CCDC167: variants seen among roughly 807,000 people sequenced by gnomAD.
CCDC167 encodes the protein coiled-coil domain-containing protein 167.
Under a neutral mutation model 12.7 loss-of-function variants are expected in CCDC167, and 15 were observed. The observed-to-expected ratio is 1.18, with a 90% CI of 0.79 to 1.81. The LOEUF is 1.81. Ranked by LOEUF, CCDC167 falls within the 40% of genes most tolerant of loss-of-function variation. The pLI is 0.00. For missense variants in CCDC167, 121 were observed against 120.1 expected (o/e 1.01, Z -0.03); for synonymous variants, 52 against 49.0 (o/e 1.06, Z -0.26).
intron 1 of CCDC167, among the ~76,000 whole-genome samples, chr6:37,498,348 G>A: frequency 6.6e-6 from 1 of 152,022 alleles, no homozygotes; most frequent in East Asian, 1.9e-4. Context: ...GTACCCTAAT[G>A]CAGGTTACAA....
chr6:37,486,131 A>C (rs1195057075), intron 1 of CCDC167, among the ~76,000 whole-genome samples: 1 of 152,190 alleles, frequency 6.6e-6, no homozygotes, highest in Non-Finnish European at 1.5e-5. Context: ...CAGCTGACTG[A>C]ATAGTACCTC....
At chr6:37,492,478 A>G (rs1182878616) in intron 1 of CCDC167, among the ~76,000 whole-genome samples, 1 of 152,248 alleles carries the variant, frequency 6.6e-6, no homozygotes, top group Non-Finnish European at 1.5e-5. Flanking sequence ...GGGCCAACTC[A>G]ATGAGCTTCA....
chr6:37,483,522 CT>C (rs923273505), intron 3 of CCDC167, among the ~76,000 whole-genome samples: 1 of 152,214 alleles, frequency 6.6e-6, no homozygotes, highest in African/African-American at 2.4e-5. Flanking sequence ...AACTATGGCT[CT>C]TTAAATGTGG....
intron 3 of CCDC167, among the ~76,000 whole-genome samples, chr6:37,484,140 G>A (rs1581761840): frequency 6.6e-6 from 1 of 152,214 alleles, no homozygotes; most frequent in East Asian, 1.9e-4. Flanking sequence ...CTGTGCCTAC[G>A]GCATTCATCA....
chr6:37,486,978 T>C (rs900918925), intron 1 of CCDC167, among the ~76,000 whole-genome samples: 3 of 150,498 alleles, frequency 2.0e-5, no homozygotes, highest in African/African-American at 2.4e-5. Flanking sequence ...TCCACCAGGC[T>C]TCCCTGCTGC....
chr6:37,485,171 C>T lies in CCDC167; in HGVS notation c.66G>A (p.Leu22=). The T allele has an allele frequency of 6.2e-7, 1 of 1,613,522 alleles. No homozygotes were observed. Among genetic ancestry groups the T allele is most frequent in the East Asian group, 2.2e-5 (1 of 44,884 alleles). ...CCTCCAGGTCTCTCCGACACTGGGA[C>T]AGCTTCTCCTCTAGCCCATCGATCT... The part of the protein sequence containing the change: ...ALEIDGLEEK[L]SQCRRDLEAV... Residue 22 remains leucine (L), a synonymous_variant, in exon 2 of 4, where the codon CTG becomes CTA. Coordinates refer to ENST00000373408, the MANE Select transcript of CCDC167 (RefSeq NM_138493.3).
At chr6:37,486,016 T>C (rs977382374) in intron 1 of CCDC167, among the ~76,000 whole-genome samples, 13 of 152,208 alleles carry the variant, frequency 8.5e-5, no homozygotes, top group African/African-American at 3.1e-4. Context: ...TCCATCTCCC[T>C]GTGTCTGACT....
chr6:37,490,134 T>G (rs1167381886), intron 1 of CCDC167, among the ~76,000 whole-genome samples: 1 of 152,186 alleles, frequency 6.6e-6, no homozygotes, highest in Non-Finnish European at 1.5e-5. Flanking sequence ...GGCGATGGTA[T>G]GAACCCACTG....
Position 37,485,185 on chromosome 6 carries a change from G to T in CCDC167, c.52C>A (p.Leu18Ile). The change falls in exon 2 of 4, where the codon CTA (leucine) becomes ATA (isoleucine). Residue 18 changes from leucine to isoleucine, a missense_variant. Leu to Ile is a conservative substitution (Grantham distance 5). Transcript: ENST00000373408. ...CGACACTGGGACAGCTTCTCCTCTAGCCCATCGATCTGAAACAAAGGCCAC... is the reference window on the plus strand; with the variant it reads ...CGACACTGGGACAGCTTCTCCTCTATCCCATCGATCTGAAACAAAGGCCAC... ...NLGVALEIDGLEEKLSQCRRD... is the reference protein window; with the variant it reads ...NLGVALEIDGIEEKLSQCRRD... 1 of 1,612,876 alleles carries T rather than the reference G, an allele frequency of 6.2e-7. No homozygotes were observed.
At chr6:37,493,478 G>A (rs963695529) in intron 1 of CCDC167, among the ~76,000 whole-genome samples, 1 of 152,238 alleles carries the variant, frequency 6.6e-6, no homozygotes, top group Non-Finnish European at 1.5e-5. Context: ...ATCCAGCCGC[G>A]CTAGGTAATG....
At chr6:37,490,795 GCTT>G (rs1349164520) in intron 1 of CCDC167, among the ~76,000 whole-genome samples, 2 of 152,106 alleles carry the variant, frequency 1.3e-5, no homozygotes, top group Admixed American at 6.5e-5. Context: ...AGCAGAAAGG[GCTT>G]CTTCATGCCC....
At chr6:37,492,243 A>T (rs957791489) in intron 1 of CCDC167, among the ~76,000 whole-genome samples, 1 of 152,194 alleles carries the variant, frequency 6.6e-6, no homozygotes, top group Non-Finnish European at 1.5e-5. Context: ...TCCCTCATGA[A>T]AACATTCATG....
At chr6:37,497,975 A>C (rs1230301629) in intron 1 of CCDC167, among the ~76,000 whole-genome samples, 2 of 152,216 alleles carry the variant, frequency 1.3e-5, no homozygotes, top group Non-Finnish European at 2.9e-5. Context: ...GACAGCTGAA[A>C]CAAGGCAGGG....
At chr6:37,494,924 C>A (rs1189216568) in intron 1 of CCDC167, among the ~76,000 whole-genome samples, 1 of 151,326 alleles carries the variant, frequency 6.6e-6, no homozygotes, top group African/African-American at 2.4e-5. Flanking sequence ...CTCAGCCTCC[C>A]GAGTAGCTGG....
chr6:37,496,976 G>C (rs906757054), intron 1 of CCDC167, among the ~76,000 whole-genome samples: 1 of 152,200 alleles, frequency 6.6e-6, no homozygotes, highest in Non-Finnish European at 1.5e-5. Context: ...GGTATGCCCC[G>C]GTTCCACTGA....
intron 1 of CCDC167, among the ~76,000 whole-genome samples, chr6:37,498,781 C>T (rs1416350580): frequency 1.3e-5 from 2 of 151,844 alleles, no homozygotes; most frequent in East Asian, 1.9e-4. Context: ...GCCGAGATCA[C>T]GCCACTGCAC....
chr6:37,490,596 G>C (rs777445162), intron 1 of CCDC167, among the ~76,000 whole-genome samples: 3 of 152,064 alleles, frequency 2.0e-5, no homozygotes, highest in Non-Finnish European at 4.4e-5. Context: ...CTGGGTGAAG[G>C]AGTGAGCTCA....
chr6:37,483,256 C>T lies in CCDC167; in HGVS notation c.224G>A (p.Arg75Gln), dbSNP rs148927861. Residue 75 changes from arginine to glutamine, a missense_variant, in exon 4 of 4, where the codon CGG becomes CAG. Arg to Gln is a conservative substitution (Grantham distance 43). Coordinates refer to ENST00000373408, the MANE Select transcript of CCDC167 (RefSeq NM_138493.3). The stretch of plus-strand genomic sequence containing the variant: ...GGCCACAGAGAGCAGCATGTTCTTC[C>T]GGTTCTCTTGCCGAAGAAACTTCAG... The part of the protein sequence containing the change: ...KELKFLRQEN[R>Q]KNMLLSVAIF... 712 of 1,614,062 alleles carry T rather than the reference C, an allele frequency of 4.4e-4. 1 individual carries two copies. Among genetic ancestry groups the T allele is most frequent in the Non-Finnish European group, 5.5e-4 (652 of 1,179,950 alleles).
At chr6:37,498,686 A>C (rs904562340) in intron 1 of CCDC167, among the ~76,000 whole-genome samples, 2 of 152,036 alleles carry the variant, frequency 1.3e-5, no homozygotes, top group African/African-American at 2.4e-5. Context: ...TTAGCCAGGC[A>C]TGGTGGCACG....
Sources: gnomAD v4.1 joint callset for allele counts (sites outside exome capture counted in the v4.1 genomes callset) on GRCh38, gnomAD v4.1.1 for gene constraint, MANE v1.5 for transcripts, NCBI Gene and HGNC (gene_info 2026-07-23, HGNC 2026-07-21) for gene names.